CUX2: variants seen among roughly 807,000 people sequenced by gnomAD.
The protein encoded by CUX2 is cut like homeobox 2.
A neutral mutation model predicts 144.8 loss-of-function variants in CUX2; 40 were observed. That is an observed-to-expected ratio of 0.28 (90% CI 0.21 to 0.36). The LOEUF (loss-of-function observed/expected upper bound fraction) is 0.36. CUX2 is among the 10% of genes least tolerant of loss of function. CUX2 has a pLI of 1.00. For missense variants in CUX2, 1,615 were observed against 1,994.0 expected, an observed-to-expected ratio of 0.81 and a Z score of 3.62; for synonymous variants, 827 against 875.6, an observed-to-expected ratio of 0.94 and a Z score of 0.98.
intron 1 of CUX2, among the ~76,000 whole-genome samples, chr12:111,206,604 G>A (rs1880931144): frequency 2.0e-5 from 3 of 152,372 alleles, no homozygotes; most frequent in Admixed American, 1.3e-4. Flanking sequence ...CAGAGACTGT[G>A]TTGGTTGGTT....
chr12:111,316,305 A>AT (rs575037793), intron 16 of CUX2, among the ~76,000 whole-genome samples: 44,904 of 142,918 alleles, frequency 0.31, 9,060 homozygotes, highest in East Asian at 0.72. Flanking sequence ...CGCCCGGTTA[A>AT]TTTTTTTTTT....
intron 15 of CUX2, among the ~76,000 whole-genome samples, chr12:111,311,594 A>ATTTTTTTTTT (rs767367160): frequency 3.0e-5 from 4 of 133,678 alleles, no homozygotes; most frequent in African/African-American, 1.0e-4. Flanking sequence ...CTATTTCTTT[A>ATTTTTTTTTT]TTATTATTAT....
chr12:111,050,962 C>T (rs753449498), intron 1 of CUX2, among the ~76,000 whole-genome samples: 1 of 152,144 alleles, frequency 6.6e-6, no homozygotes, highest in African/African-American at 2.4e-5. Flanking sequence ...CTATAGTTAA[C>T]AGCAGTGTAT....
intron 1 of CUX2, among the ~76,000 whole-genome samples, chr12:111,199,244 G>A (rs1880426423): frequency 6.6e-6 from 1 of 152,118 alleles, no homozygotes; most frequent in East Asian, 1.9e-4. Context: ...AGCTCGGAGA[G>A]GCACGCTGAC....
chr12:111,210,047 T>TG (rs1208664924), intron 1 of CUX2, among the ~76,000 whole-genome samples: 9 of 152,084 alleles, frequency 5.9e-5, no homozygotes, highest in Non-Finnish European at 1.0e-4. Context: ...CCCCCAGGGC[T>TG]GGGGGGCTGG....
In CUX2 at chr12:111,287,531, T is replaced by C. The variant is rs1885450602; in HGVS notation, c.302-3887T>C. Among the ~76,000 whole-genome samples, 1 of 152,266 alleles carries C rather than the reference T, an allele frequency of 6.6e-6. No homozygotes were observed. Among genetic ancestry groups the C allele is most frequent in the Non-Finnish European group, 1.5e-5 (1 of 68,048 alleles). On this transcript the variant is annotated intron_variant, in intron 4 of 21. Coordinates refer to ENST00000261726, the MANE Select transcript of CUX2 (RefSeq NM_015267.4). This position sits in a 1 kb window ranked among gnomAD's most constrained non-coding sequence, Gnocchi z 4.2. ...TACAAAGGCAGTGCAGATGGACTCA[T>C]TAGCATGCACACAACAAATAATTAT... is the stretch of plus-strand genomic sequence containing the variant.
At chr12:111,297,431 A>C (rs1307992667) in intron 8 of CUX2, among the ~76,000 whole-genome samples, 3 of 152,134 alleles carry the variant, frequency 2.0e-5, no homozygotes, top group Non-Finnish European at 2.9e-5. Context: ...CCCCAAAGGC[A>C]CACAGCTGTC....
chr12:111,347,618 T>TTCCCCCC lies in CUX2; in HGVS notation c.3754_3755insTCCCCCC (p.Ser1252PhefsTer13). 1.1e-5 allele frequency: 16 copies of TTCCCCCC among 1,517,600 alleles called. No homozygotes were observed. The highest frequency in any genetic ancestry group is 1.4e-5 in the African/African-American group (1 of 72,780). 94.0% of individuals were successfully genotyped at this position (1,517,600 alleles called of 1,614,324 possible). On this transcript the variant is annotated frameshift_variant, in exon 22 of 22. Coordinates refer to ENST00000261726, the MANE Select transcript of CUX2 (RefSeq NM_015267.4). LOFTEE classifies it low-confidence loss of function (END_TRUNC). ...TCCTGGAATCCTACCGCCAGGCCACTCCCACCCAGACCCCACCCCGCAGAG... is the reference window on the plus strand; with the variant it reads ...TCCTGGAATCCTACCGCCAGGCCACTTCCCCCCCCCACCCAGACCCCACCCCGCAGAG...
At chr12:111,149,286 G>A (rs191232664) in intron 1 of CUX2, among the ~76,000 whole-genome samples, 180 of 152,120 alleles carry the variant, frequency 1.2e-3, no homozygotes, top group African/African-American at 3.7e-3. Context: ...AAAGCTTATC[G>A]GCTATTGTTG....
At chr12:111,158,774 G>T (rs1011906472) in intron 1 of CUX2, among the ~76,000 whole-genome samples, 2 of 152,094 alleles carry the variant, frequency 1.3e-5, no homozygotes, top group Non-Finnish European at 2.9e-5. Context: ...GAAAAAAAAA[G>T]ATACGAGGGC....
At chr12:111,318,633 T>C (rs974822006) in intron 16 of CUX2, among the ~76,000 whole-genome samples, 1 of 151,846 alleles carries the variant, frequency 6.6e-6, no homozygotes, top group Non-Finnish European at 1.5e-5. Context: ...TGATTTTGCA[T>C]AAGGACTTCC....
intron 1 of CUX2, among the ~76,000 whole-genome samples, chr12:111,168,288 A>G (rs1878284731): frequency 6.6e-6 from 1 of 152,312 alleles, no homozygotes; most frequent in Admixed American, 6.5e-5. Flanking sequence ...CCTGCCTGTC[A>G]CACTGATAAA....
At chr12:111,075,010 C>G (rs1871447767) in intron 1 of CUX2, among the ~76,000 whole-genome samples, 1 of 152,202 alleles carries the variant, frequency 6.6e-6, no homozygotes, top group East Asian at 1.9e-4. Flanking sequence ...TTCATCCAGT[C>G]CCCCACAGGC....
rs78161763 is a variant in CUX2, at chr12:111,080,302, T to G, written c.63+46062T>G. Among the ~76,000 whole-genome samples, 266 of 152,292 alleles carry G rather than the reference T, an allele frequency of 1.7e-3. 1 individual carries two copies. Among genetic ancestry groups the G allele is most frequent in the African/African-American group, 6.0e-3 (251 of 41,544 alleles). ...CTTCCCTCCCCTGCTGTATTTTCTT[T>G]CTTCCTTAGCACTTAACATGATTGA... On this transcript the variant is annotated intron_variant, in intron 1 of 21. Coordinates refer to ENST00000261726, the MANE Select transcript of CUX2 (RefSeq NM_015267.4).
At chr12:111,337,367 A>AG (rs1888396438) in intron 19 of CUX2, among the ~76,000 whole-genome samples, 1 of 151,312 alleles carries the variant, frequency 6.6e-6, no homozygotes, top group South Asian at 2.1e-4. Context: ...AAAAAAAAAA[A>AG]AGAAAAGAAA....
intron 1 of CUX2, among the ~76,000 whole-genome samples, chr12:111,103,854 G>A (rs1873423886): frequency 6.6e-6 from 1 of 152,162 alleles, no homozygotes. Context: ...TCCCCTGTAT[G>A]GGTGGGCTTT....
chr12:111,210,561 C>T (rs1881161600), intron 1 of CUX2, among the ~76,000 whole-genome samples: 1 of 152,114 alleles, frequency 6.6e-6, no homozygotes, highest in African/African-American at 2.4e-5. Flanking sequence ...TGGGAGGCCA[C>T]AGCAGGTGGA....
At chr12:111,192,311 G>A (rs981588217) in intron 1 of CUX2, among the ~76,000 whole-genome samples, 11 of 152,044 alleles carry the variant, frequency 7.2e-5, no homozygotes, top group African/African-American at 2.4e-4. Context: ...TGTATTTTTA[G>A]TAGAGATGGG....
chr12:111,062,494 G>A (rs747816295), intron 1 of CUX2, among the ~76,000 whole-genome samples: 41 of 152,202 alleles, frequency 2.7e-4, no homozygotes, highest in Admixed American at 1.6e-3. Flanking sequence ...CGGCTCGAGC[G>A]AGGGGAGTCA....
Sources: gnomAD v4.1 joint callset for allele counts (sites outside exome capture counted in the v4.1 genomes callset) on GRCh38, gnomAD v4.1.1 for gene constraint, Gnocchi (gnomAD v3.1) non-coding constraint, MANE v1.5 for transcripts, NCBI Gene and HGNC (gene_info 2026-07-23, HGNC 2026-07-21) for gene names.